Variants in FRMPD4 observed in about 807,000 individuals in gnomAD.
The protein encoded by FRMPD4 is FERM and PDZ domain-containing protein 4.
FRMPD4 carries 22 observed loss-of-function variants against 94.1 expected under a neutral mutation model. The observed-to-expected ratio is 0.23, with a 90% CI of 0.17 to 0.33. FRMPD4 has a LOEUF of 0.33. FRMPD4 is among the 10% of genes least tolerant of loss of function. FRMPD4 has a pLI of 1.00. For missense variants in FRMPD4, 1,111 were observed against 1,339.9 expected (o/e 0.83, Z 2.67); for synonymous variants, 631 against 548.6 (o/e 1.15, Z -2.10).
chrX:11,917,798 T>C (rs781042869), intron 3 of FRMPD4, among the ~76,000 whole-genome samples: 2 of 109,119 alleles, frequency 1.8e-5, no homozygotes, highest in Non-Finnish European at 3.8e-5. Flanking sequence ...CTATATTCAC[T>C]ACTTGGGTGA....
intron 1 of FRMPD4, among the ~76,000 whole-genome samples, chrX:11,846,792 A>G (rs1009908723): frequency 9.0e-6 from 1 of 110,590 alleles, no homozygotes; most frequent in African/African-American, 3.3e-5. Context: ...AGGATTCCCT[A>G]TTTAATAAAT....
At chrX:12,328,821 C>A (rs1411449740) in intron 1 of FRMPD4, among the ~76,000 whole-genome samples, 2 of 111,618 alleles carry the variant, frequency 1.8e-5, no homozygotes, top group Non-Finnish European at 3.8e-5. Flanking sequence ...GGAACCTCAT[C>A]CCTGAAAGCC....
chrX:12,353,171 C>A (rs1385336016), intron 1 of FRMPD4, among the ~76,000 whole-genome samples: 1 of 111,583 alleles, frequency 9.0e-6, no homozygotes, highest in Non-Finnish European at 1.9e-5. Flanking sequence ...AGGGAAGACT[C>A]TGAACCTACC....
chrX:12,516,164 T>G (rs2058093828), intron 2 of FRMPD4, among the ~76,000 whole-genome samples: 1 of 112,164 alleles, frequency 8.9e-6, no homozygotes, highest in African/African-American at 3.2e-5. Context: ...CTTGACATTC[T>G]GTGTCTTTTA....
intron 2 of FRMPD4, among the ~76,000 whole-genome samples, chrX:12,526,483 G>A (rs962919994): frequency 8.9e-6 from 1 of 112,381 alleles, no homozygotes; most frequent in African/African-American, 3.2e-5. Flanking sequence ...AGCAGTTGAC[G>A]GAGTGCAGAA....
intron 3 of FRMPD4, among the ~76,000 whole-genome samples, chrX:12,104,122 C>T (rs753084993): frequency 3.6e-5 from 4 of 111,996 alleles, no homozygotes; most frequent in Admixed American, 9.4e-5. Context: ...AGCCCACTGC[C>T]GTCATAACTA....
At chrX:11,895,934 C>T (rs2053900915) in intron 3 of FRMPD4, among the ~76,000 whole-genome samples, 1 of 112,242 alleles carries the variant, frequency 8.9e-6, no homozygotes, top group Middle Eastern at 4.6e-3. Context: ...AATCTGTTTC[C>T]CAGTATTTTT....
At chrX:12,637,338 T>C (rs1235562622) in intron 4 of FRMPD4, among the ~76,000 whole-genome samples, 1 of 112,087 alleles carries the variant, frequency 8.9e-6, no homozygotes, top group Non-Finnish European at 1.9e-5. Context: ...CATTTGTCTT[T>C]ATGGAATATC....
intron 3 of FRMPD4, among the ~76,000 whole-genome samples, chrX:11,928,294 G>A (rs370123567): frequency 2.7e-5 from 3 of 112,118 alleles, no homozygotes; most frequent in Non-Finnish European, 5.6e-5. Flanking sequence ...ACAGTTCAGC[G>A]TGGCTGGGGA....
intron 2 of FRMPD4, among the ~76,000 whole-genome samples, chrX:12,509,050 T>TG (rs1292977521): frequency 3.8e-5 from 4 of 105,141 alleles, no homozygotes; most frequent in Non-Finnish European, 7.8e-5. Context: ...ACCTTACTCC[T>TG]GCAAGAATGG....
chrX:12,316,581 T>C (rs1046985409), intron 1 of FRMPD4, among the ~76,000 whole-genome samples: 7 of 112,277 alleles, frequency 6.2e-5, no homozygotes, highest in African/African-American at 2.3e-4. Flanking sequence ...ATATTATTTA[T>C]TTTGTATCGA....
intron 3 of FRMPD4, among the ~76,000 whole-genome samples, chrX:11,948,178 C>A (rs1185704874): frequency 9.1e-6 from 1 of 109,438 alleles, no homozygotes; most frequent in Non-Finnish European, 1.9e-5. Flanking sequence ...TCAAACTGGG[C>A]TTTACTGTGT....
chrX:12,333,882 C>T (rs2055473911), intron 1 of FRMPD4, among the ~76,000 whole-genome samples: 1 of 111,689 alleles, frequency 9.0e-6, no homozygotes, highest in Non-Finnish European at 1.9e-5. Flanking sequence ...TTAATTTTTG[C>T]CAGAAGACTA....
At chrX:12,640,664 A>C (rs1012713687) in intron 4 of FRMPD4, among the ~76,000 whole-genome samples, 49 of 112,209 alleles carry the variant, frequency 4.4e-4, no homozygotes, top group African/African-American at 1.6e-3. Context: ...GGTAGAGGGA[A>C]TATGTTCCCA....
At chrX:12,282,738 C>T (rs1260797698) in intron 1 of FRMPD4, among the ~76,000 whole-genome samples, 5 of 112,008 alleles carry the variant, frequency 4.5e-5, no homozygotes, top group African/African-American at 1.6e-4. Flanking sequence ...CGGGTGCGCT[C>T]ATGTTGGAGC....
chrX:12,236,617 A>G (rs998560511), intron 1 of FRMPD4, among the ~76,000 whole-genome samples: 21 of 111,759 alleles, frequency 1.9e-4, no homozygotes, highest in African/African-American at 6.8e-4. Flanking sequence ...GGAGATTCGT[A>G]TGACAATAAT....
chrX:12,302,500 T>TAA (rs1349825807), intron 1 of FRMPD4, among the ~76,000 whole-genome samples: 3 of 111,770 alleles, frequency 2.7e-5, no homozygotes, highest in Non-Finnish European at 5.6e-5. Flanking sequence ...AGCATCTTAT[T>TAA]AGAGGTAAGG....
At chrX:12,540,564 A>G (rs890519619) in intron 2 of FRMPD4, among the ~76,000 whole-genome samples, 23 of 112,118 alleles carry the variant, frequency 2.1e-4, no homozygotes, top group Non-Finnish European at 3.8e-4. Context: ...TATGCACCCA[A>G]CACAGGAGCA....
chrX:11,906,716 T>C (rs1054671375), intron 3 of FRMPD4, among the ~76,000 whole-genome samples: 1 of 111,085 alleles, frequency 9.0e-6, no homozygotes, highest in Non-Finnish European at 1.9e-5. Flanking sequence ...TGTCTCCTAC[T>C]TGGGGTTTCT....
Sources: allele counts gnomAD v4.1 joint callset (sites outside exome capture counted in the v4.1 genomes callset), GRCh38; gene constraint gnomAD v4.1.1; transcripts MANE v1.5; gene names NCBI Gene and HGNC (gene_info 2026-07-23, HGNC 2026-07-21).